RIN2: variants seen among roughly 807,000 people sequenced by gnomAD.
RIN2 encodes the protein Ras and Rab interactor 2.
In RIN2, 36 loss-of-function variants were observed where a neutral mutation model predicts 78.0. That is an observed-to-expected ratio of 0.46 (90% CI 0.35 to 0.61). The LOEUF is 0.61. Ranked by LOEUF, RIN2 falls within the 20% of genes least tolerant of loss-of-function variation. The probability of loss-of-function intolerance (pLI) is 0.00; values close to 1 mark genes in which losing one functional copy is unlikely to be tolerated. For synonymous variants in RIN2, 466 were observed against 466.8 expected (o/e 1.00, Z 0.02); for missense variants, 1,087 against 1,159.7 (o/e 0.94, Z 0.91).
chr20:19,834,967 GAA>G lies in RIN2; in HGVS notation c.-37+35222_-37+35223del, dbSNP rs397952900. On this transcript the variant is annotated intron_variant, in intron 2 of 12. Transcript: ENST00000255006. Reference sequence around the variant, plus strand: ...AAGAAAAGAGAGAGAGAGAGAGAGAGAAAGAAAGAAAGGAAGGAAAGAGAGAA... The same window carrying G: ...AAGAAAAGAGAGAGAGAGAGAGAGAGAGAAAGAAAGGAAGGAAAGAGAGAA... Among the ~76,000 whole-genome samples, 647 of 129,916 alleles carry G rather than the reference GAA, an allele frequency of 5.0e-3. 2 individuals are homozygous for G. The highest frequency in any genetic ancestry group is 0.016 in the African/African-American group (610 of 37,306). 85.2% of individuals were successfully genotyped at this position (129,916 alleles called of 152,430 possible).
chr20:19,790,855 G>C (rs1182145262), intron 1 of RIN2, among the ~76,000 whole-genome samples: 1 of 152,102 alleles, frequency 6.6e-6, no homozygotes, highest in African/African-American at 2.4e-5. Flanking sequence ...AGCTCCCATA[G>C]GTTTGCATTG....
At chr20:19,774,635 T>C (rs1050972561) in intron 1 of RIN2, among the ~76,000 whole-genome samples, 4 of 152,214 alleles carry the variant, frequency 2.6e-5, no homozygotes, top group Non-Finnish European at 5.9e-5. Flanking sequence ...CAAATCACTA[T>C]TGGGTACCAA....
intron 2 of RIN2, among the ~76,000 whole-genome samples, chr20:19,841,150 A>C (rs2036564595): frequency 6.6e-6 from 1 of 152,080 alleles, no homozygotes; most frequent in Non-Finnish European, 1.5e-5. Flanking sequence ...AGATGTGAAC[A>C]TAGCACATTG....
chr20:19,892,344 C>A (rs2038512308), intron 3 of RIN2, among the ~76,000 whole-genome samples: 1 of 152,012 alleles, frequency 6.6e-6, no homozygotes, highest in African/African-American at 2.4e-5. Context: ...GCCTCCCGAG[C>A]AGCTGGGATT....
At chr20:19,980,127 A>G (rs756796797) in intron 9 of RIN2, among the ~76,000 whole-genome samples, 3 of 151,738 alleles carry the variant, frequency 2.0e-5, no homozygotes, top group African/African-American at 2.4e-5. Context: ...AAAACCTTGA[A>G]TCTTCTGACT....
intron 2 of RIN2, among the ~76,000 whole-genome samples, chr20:19,851,852 C>T (rs946729986): frequency 1.4e-4 from 21 of 152,092 alleles, no homozygotes; most frequent in Non-Finnish European, 2.8e-4. Context: ...AACAAGGCAC[C>T]CCCAAACTCA....
chr20:19,861,747 G>A (rs558030137), intron 2 of RIN2, among the ~76,000 whole-genome samples: 71 of 147,506 alleles, frequency 4.8e-4, no homozygotes, highest in African/African-American at 1.6e-3. Context: ...CTCCATATCC[G>A]ATGATCACCC....
At chr20:19,932,520 CCT>C (rs1409280420) in intron 3 of RIN2, among the ~76,000 whole-genome samples, 1 of 152,158 alleles carries the variant, frequency 6.6e-6, no homozygotes, top group Non-Finnish European at 1.5e-5. Context: ...CTAATCATTT[CCT>C]CTCTCGAGGC....
chr20:19,935,542 C>T (rs1036038926), intron 4 of RIN2: 19 of 1,037,320 alleles, frequency 1.8e-5, no homozygotes, highest in African/African-American at 6.8e-5. Context: ...TCAGTGTAGC[C>T]GTGTGAGTCT....
intron 3 of RIN2, among the ~76,000 whole-genome samples, chr20:19,899,064 T>A (rs2038864373): frequency 6.6e-6 from 1 of 152,214 alleles, no homozygotes; most frequent in African/African-American, 2.4e-5. Flanking sequence ...TCTGAGTGTT[T>A]CTTAATAATT....
At chr20:19,787,396 C>T (rs1412190410) in intron 1 of RIN2, among the ~76,000 whole-genome samples, 1 of 145,396 alleles carries the variant, frequency 6.9e-6, no homozygotes, top group Non-Finnish European at 1.5e-5. Flanking sequence ...GCACTCCTGC[C>T]TGGGCGACAG....
chr20:19,964,943 CT>C lies in RIN2; in HGVS notation c.464-5del. The C allele has an allele frequency of 6.2e-7, 1 of 1,613,088 alleles. No homozygotes were observed. On this transcript the variant is annotated splice_polypyrimidine_tract_variant and splice_region_variant and intron_variant, in intron 6 of 12. Transcript: ENST00000255006. ...GAGAATCAGCTGGTTTCTGAAATCT[CT>C]TTTCCAGCCTTTTCCCTGGAAGGCT... is the stretch of plus-strand genomic sequence containing the variant.
chr20:19,976,352 C>T (rs1421146529), intron 9 of RIN2, among the ~76,000 whole-genome samples: 1 of 152,198 alleles, frequency 6.6e-6, no homozygotes, highest in Non-Finnish European at 1.5e-5. Context: ...TGTTCTCCCT[C>T]AAGGTTACCA....
intron 5 of RIN2, among the ~76,000 whole-genome samples, chr20:19,957,019 C>T (rs1181082202): frequency 1.3e-5 from 2 of 152,154 alleles, no homozygotes; most frequent in African/African-American, 4.8e-5. Flanking sequence ...GCTCAGTTAC[C>T]ATGGGAGGTA....
rs762399817 is a variant in RIN2, at chr20:19,835,051, CAGAA to C, written c.-37+35312_-37+35315del. 9.9e-4 allele frequency among the ~76,000 whole-genome samples: 131 copies of C among 131,728 alleles called. 1 individual carries two copies. Among genetic ancestry groups the C allele is most frequent in the Middle Eastern group, 8.3e-3 (2 of 242 alleles). The allele number at this position is 131,728 out of a possible 152,430, so 86.4% of individuals were successfully genotyped here. A position where few individuals can be genotyped will look rare whatever the true frequency, so the allele number is the denominator to read the frequency against. On this transcript the variant is annotated intron_variant, in intron 2 of 12. Coordinates refer to ENST00000255006, the MANE Select transcript of RIN2 (RefSeq NM_018993.4). ...AAAAAGAGAAAGAGAAAGAAAAAGA[CAGAA>C]AGAAAGAGAAAAAGAGAAAGAGAAA...
At chr20:19,886,585 G>A (rs1031661357) in intron 2 of RIN2, 36 of 776,624 alleles carry the variant, frequency 4.6e-5, no homozygotes, top group Non-Finnish European at 6.8e-5. Flanking sequence ...TTAGTCCTAT[G>A]AGGGCTGCCT....
intron 2 of RIN2, among the ~76,000 whole-genome samples, chr20:19,826,225 A>G (rs886752335): frequency 6.6e-6 from 1 of 152,228 alleles, no homozygotes; most frequent in Non-Finnish European, 1.5e-5. Context: ...TCTTGACCTT[A>G]GTAAACCAGG....
At chr20:19,829,698 G>T (rs1674177144) in intron 2 of RIN2, among the ~76,000 whole-genome samples, 1 of 152,206 alleles carries the variant, frequency 6.6e-6, no homozygotes, top group Non-Finnish European at 1.5e-5. Context: ...AAGCAGTGGG[G>T]TTTAGGCTGG....
At chr20:19,949,721 G>A (rs1444289588) in intron 4 of RIN2, among the ~76,000 whole-genome samples, 2 of 152,194 alleles carry the variant, frequency 1.3e-5, no homozygotes, top group African/African-American at 4.8e-5. Context: ...GGAGGTGCAA[G>A]GGAGGCTTCA....
Sources: allele counts gnomAD v4.1 joint callset (sites outside exome capture counted in the v4.1 genomes callset), GRCh38; gene constraint gnomAD v4.1.1; transcripts MANE v1.5; gene names NCBI Gene and HGNC (gene_info 2026-07-23, HGNC 2026-07-21).